The following B3GALT1 variants were observed in gnomAD, a reference collection of about 807,000 sequenced individuals.
B3GALT1 encodes the protein beta-1,3-galactosyltransferase 1.
Under a neutral mutation model 23.2 loss-of-function variants are expected in B3GALT1, and 10 were observed. The observed-to-expected ratio is 0.43, with a 90% CI of 0.27 to 0.73. The LOEUF is 0.73. Among genes scored for constraint, B3GALT1 ranks in the 30% least tolerant of loss-of-function variants. The probability of loss-of-function intolerance (pLI) is 0.21; values close to 1 mark genes in which losing one functional copy is unlikely to be tolerated. For synonymous variants in B3GALT1, 156 were observed against 141.5 expected (o/e 1.10, Z -0.73); for missense variants, 299 against 405.4 (o/e 0.74, Z 2.25).
intron 2 of B3GALT1, among the ~76,000 whole-genome samples, chr2:167,598,155 C>G (rs1684812156): frequency 6.6e-6 from 1 of 152,086 alleles, no homozygotes; most frequent in South Asian, 2.1e-4. Context: ...GGTGGAACTA[C>G]ATTTATTCTG....
chr2:167,702,952 C>G (rs1015302684), intron 3 of B3GALT1, among the ~76,000 whole-genome samples: 31 of 152,192 alleles, frequency 2.0e-4, no homozygotes, highest in African/African-American at 7.5e-4. Context: ...GTAAGTGCAT[C>G]TAGTTTAGAT....
rs115192970 is a variant in B3GALT1, at chr2:167,582,809, C to T, written c.-409-64100C>T. ...TGGATCTAGAGGCTGATGTAATCCA[C>T]GGTTTAACCTCTCACATCTAAATCA... On this transcript the variant is annotated intron_variant, in intron 2 of 4. Coordinates refer to ENST00000392690, the MANE Select transcript of B3GALT1 (RefSeq NM_020981.4). 8.6e-3 allele frequency among the ~76,000 whole-genome samples: 1,310 copies of T among 152,212 alleles called. 25 individuals carry two copies. The highest frequency in any genetic ancestry group is 0.03 in the African/African-American group (1,239 of 41,534).
At chr2:167,830,602 G>C (rs543158478) in intron 4 of B3GALT1, among the ~76,000 whole-genome samples, 5 of 152,294 alleles carry the variant, frequency 3.3e-5, no homozygotes, top group Non-Finnish European at 7.3e-5. Context: ...TAGTTGAAAA[G>C]ACTGCTGCAT....
chr2:167,854,222 A>G (rs1332884003), intron 4 of B3GALT1, among the ~76,000 whole-genome samples: 1 of 152,186 alleles, frequency 6.6e-6, no homozygotes, highest in Non-Finnish European at 1.5e-5. Context: ...CTCATTTTAT[A>G]CTTAAAGAAA....
rs75530019 is a variant in B3GALT1, at chr2:167,423,530, A to G, written c.-510-66647A>G. ...AACAATTAGTACTATATTTTAAAATAAAGAGCTGTAAAAATGCACACAATA... is the reference window on the plus strand; with the variant it reads ...AACAATTAGTACTATATTTTAAAATGAAGAGCTGTAAAAATGCACACAATA... On this transcript the variant is annotated intron_variant, in intron 1 of 4. Transcript: ENST00000392690. Among the ~76,000 whole-genome samples the G allele has an allele frequency of 4.7e-3, 723 of 152,314 alleles. 6 individuals carry two copies. Among genetic ancestry groups the G allele is most frequent in the East Asian group, 0.018 (93 of 5,178 alleles).
At chr2:167,406,027 AT>A (rs575276618) in intron 1 of B3GALT1, among the ~76,000 whole-genome samples, 60 of 150,488 alleles carry the variant, frequency 4.0e-4, no homozygotes, top group East Asian at 2.7e-3. Context: ...ATTTGGGGAA[AT>A]TTTTTTTTTA....
intron 3 of B3GALT1, among the ~76,000 whole-genome samples, chr2:167,649,098 T>G (rs1301584782): frequency 1.3e-5 from 2 of 152,158 alleles, no homozygotes; most frequent in African/African-American, 4.8e-5. Flanking sequence ...AAGATTTTTG[T>G]TTTTATCAAC....
In B3GALT1 at chr2:167,652,106, G is replaced by T. The variant is rs182895623; in HGVS notation, c.-352+5140G>T. Among the ~76,000 whole-genome samples the T allele has an allele frequency of 3.7e-4, 56 of 152,266 alleles. No individual in the cohort carries two copies. In the South Asian group the frequency reaches 0.011, roughly 30 times the overall value. ...AGCTAACATTTTGCTGAACATATTG[G>T]GGGGAAGCAGAACCTTGAAGCCGTT... On this transcript the variant is annotated intron_variant, in intron 3 of 4. Transcript: ENST00000392690.
At chr2:167,856,305 A>G (rs1242915039) in intron 4 of B3GALT1, among the ~76,000 whole-genome samples, 4 of 152,204 alleles carry the variant, frequency 2.6e-5, no homozygotes, top group African/African-American at 7.2e-5. Flanking sequence ...TTCCTTTGGT[A>G]TAAACTTACA....
intron 1 of B3GALT1, among the ~76,000 whole-genome samples, chr2:167,354,820 T>G (rs2617365): frequency 6.6e-6 from 1 of 152,044 alleles, no homozygotes; most frequent in Non-Finnish European, 1.5e-5. Context: ...TGTCTTTTAT[T>G]GCCTGCACCA....
chr2:167,546,280 T>C (rs1310316280), intron 2 of B3GALT1, among the ~76,000 whole-genome samples: 1 of 152,204 alleles, frequency 6.6e-6, no homozygotes, highest in Non-Finnish European at 1.5e-5. Flanking sequence ...TCAGAGAATA[T>C]TGTCAACTGT....
intron 2 of B3GALT1, among the ~76,000 whole-genome samples, chr2:167,548,689 T>TGTGTGTGTGTGTGTGTGTGAGA (rs1553466250): frequency 2.8e-4 from 37 of 129,890 alleles, no homozygotes; most frequent in African/African-American, 1.5e-3. Flanking sequence ...TGTGTGAGTG[T>TGTGTGTGTGTGTGTGTGTGAGA]GTGTGTGTGT....
At chr2:167,401,634 A>C (rs1186384657) in intron 1 of B3GALT1, among the ~76,000 whole-genome samples, 1 of 152,190 alleles carries the variant, frequency 6.6e-6, no homozygotes, top group Non-Finnish European at 1.5e-5. Context: ...GTTATCCCAT[A>C]GAATTCTCTG....
At chr2:167,370,601 T>C (rs1250304948) in intron 1 of B3GALT1, among the ~76,000 whole-genome samples, 1 of 151,810 alleles carries the variant, frequency 6.6e-6, no homozygotes. Flanking sequence ...TGAGATGGAG[T>C]AGGGGAGTGA....
chr2:167,510,031 G>A (rs1699981682), intron 2 of B3GALT1, among the ~76,000 whole-genome samples: 1 of 152,176 alleles, frequency 6.6e-6, no homozygotes, highest in Non-Finnish European at 1.5e-5. Flanking sequence ...CAGTAGTGCT[G>A]AGTATTAGAT....
At chr2:167,496,924 T>A (rs1699790704) in intron 2 of B3GALT1, among the ~76,000 whole-genome samples, 1 of 152,168 alleles carries the variant, frequency 6.6e-6, no homozygotes, top group Admixed American at 6.6e-5. Context: ...CCTCCAGCAC[T>A]GTAGAAGTAC....
At chr2:167,318,049 C>T (rs753070967) in intron 1 of B3GALT1, among the ~76,000 whole-genome samples, 19 of 151,994 alleles carry the variant, frequency 1.3e-4, no homozygotes, top group Non-Finnish European at 2.5e-4. Context: ...AATAAAGGGC[C>T]GGACGCGGTG....
rs116896853 is a variant in B3GALT1 at position 167,591,434 on chromosome 2, T to C, written c.-409-55475T>C. 5.2e-3 allele frequency among the ~76,000 whole-genome samples: 787 copies of C among 152,180 alleles called. 6 individuals carry two copies. The highest frequency in any genetic ancestry group is 0.045 in the East Asian group (235 of 5,172). On this transcript the variant is annotated intron_variant, in intron 2 of 4. Coordinates refer to ENST00000392690, the MANE Select transcript of B3GALT1 (RefSeq NM_020981.4). ...CAGAGGATGTAGGACAGAGGAGAGATTTGATCTGATCCATGTTTTACTTTA... is the reference window on the plus strand; with the variant it reads ...CAGAGGATGTAGGACAGAGGAGAGACTTGATCTGATCCATGTTTTACTTTA...
intron 1 of B3GALT1, among the ~76,000 whole-genome samples, chr2:167,431,759 T>C (rs572295160): frequency 6.6e-6 from 1 of 152,312 alleles, no homozygotes; most frequent in East Asian, 1.9e-4. Context: ...TTCAGACCAC[T>C]TAAAATTATT....
Sources: gnomAD v4.1 joint callset for allele counts (sites outside exome capture counted in the v4.1 genomes callset) on GRCh38, gnomAD v4.1.1 for gene constraint, MANE v1.5 for transcripts, NCBI Gene and HGNC (gene_info 2026-07-23, HGNC 2026-07-21) for gene names.